KIF6: variants seen among roughly 807,000 people sequenced by gnomAD.
KIF6 encodes the protein kinesin-like protein KIF6.
A neutral mutation model predicts 112.7 loss-of-function variants in KIF6; 106 were observed. The ratio of observed to expected loss-of-function variants is 0.94; its 90% CI spans 0.80 to 1.11. KIF6 has a LOEUF of 1.11. Among genes scored for constraint, KIF6 ranks in the 50% least tolerant of loss-of-function variants. The pLI is 0.00. For synonymous variants in KIF6, 339 were observed against 339.9 expected (o/e 1.00, Z 0.03); for missense variants, 929 against 964.0 (o/e 0.96, Z 0.48).
At chr6:39,617,767 C>T (rs1215504960) in intron 5 of KIF6, 3 of 454,974 alleles carry the variant, frequency 6.6e-6, no homozygotes, top group South Asian at 4.7e-5. Flanking sequence ...GTCTAGACAC[C>T]CTGACCTAGA....
intron 16 of KIF6, among the ~76,000 whole-genome samples, chr6:39,384,215 G>A (rs572510065): frequency 1.3e-5 from 2 of 152,306 alleles, no homozygotes; most frequent in South Asian, 4.2e-4. Flanking sequence ...TGAAGAAGAG[G>A]GCAGATGTTT....
chr6:39,647,259 C>T (rs1164373998), intron 3 of KIF6, among the ~76,000 whole-genome samples: 5 of 152,062 alleles, frequency 3.3e-5, no homozygotes, highest in African/African-American at 9.7e-5. Flanking sequence ...GTGAGGAGGC[C>T]GACACTTCTG....
intron 1 of KIF6, among the ~76,000 whole-genome samples, chr6:39,723,467 A>G (rs1365656628): frequency 6.6e-6 from 1 of 152,238 alleles, no homozygotes; most frequent in Non-Finnish European, 1.5e-5. Context: ...GCTGTTCACA[A>G]TAGCAAAGAC....
intron 15 of KIF6, among the ~76,000 whole-genome samples, chr6:39,402,488 T>G (rs1768780324): frequency 6.6e-6 from 1 of 152,160 alleles, no homozygotes; most frequent in South Asian, 2.1e-4. Context: ...AAACGGTCTT[T>G]AAGTGGAACA....
At chr6:39,485,491 T>C (rs747211183) in intron 13 of KIF6, among the ~76,000 whole-genome samples, 7 of 152,146 alleles carry the variant, frequency 4.6e-5, no homozygotes, top group Non-Finnish European at 1.0e-4. Flanking sequence ...GGGGACTGCA[T>C]CTTCATCTAA....
intron 15 of KIF6, among the ~76,000 whole-genome samples, chr6:39,409,076 CATCTGT>C: frequency 6.6e-6 from 1 of 152,180 alleles, no homozygotes; most frequent in African/African-American, 2.4e-5. Context: ...TCAGTTTCTT[CATCTGT>C]AGTAGGGGTA....
At chr6:39,711,449 C>T (rs1407375569) in intron 3 of KIF6, among the ~76,000 whole-genome samples, 1 of 152,078 alleles carries the variant, frequency 6.6e-6, no homozygotes, top group Non-Finnish European at 1.5e-5. Context: ...CTGGGTATAG[C>T]AGCCTCAACC....
intron 4 of KIF6, among the ~76,000 whole-genome samples, chr6:39,635,827 T>C (rs1784597162): frequency 6.6e-6 from 1 of 152,076 alleles, no homozygotes; most frequent in Non-Finnish European, 1.5e-5. Context: ...GCACCTTCTT[T>C]TTCTTCCTCC....
In KIF6 at chr6:39,332,137, G is replaced by A. The variant is rs879144753; in HGVS notation, c.*4395C>T. On this transcript the variant is annotated 3_prime_UTR_variant, in exon 23 of 23. Transcript: ENST00000287152. Reference sequence around the variant, plus strand: ...ATTTTTTGTATTTTTAGTAGAGACGGGGTTTCCCCATGTTGAACAGGCTGT... The same window carrying A: ...ATTTTTTGTATTTTTAGTAGAGACGAGGTTTCCCCATGTTGAACAGGCTGT... The A allele has an allele frequency of 6.6e-6, 1 of 152,110 alleles. No individual in the cohort carries two copies. The highest frequency in any genetic ancestry group is 2.1e-4 in the South Asian group (1 of 4,806). 9.4% of individuals were successfully genotyped at this position (152,110 alleles called of 1,614,324 possible).
At chr6:39,681,842 T>C (rs1056157163) in intron 3 of KIF6, among the ~76,000 whole-genome samples, 23 of 152,236 alleles carry the variant, frequency 1.5e-4, no homozygotes, top group African/African-American at 4.8e-4. Context: ...TAATGGGATT[T>C]TAACTGTATT....
In KIF6 at chr6:39,583,674, C is replaced by CTTTTTTTTTTTTTTTT. The variant is rs564229262; in HGVS notation, c.1077+1208_1077+1223dup. Among the ~76,000 whole-genome samples the CTTTTTTTTTTTTTTTT allele has an allele frequency of 1.3e-4, 9 of 71,708 alleles. 1 individual carries two copies. Among genetic ancestry groups the CTTTTTTTTTTTTTTTT allele is most frequent in the South Asian group, 1.0e-3 (2 of 1,934 alleles). The allele number at this position is 71,708 out of a possible 152,430, so 47.0% of individuals were successfully genotyped here. A position where few individuals can be genotyped will look rare whatever the true frequency, so the allele number is the denominator to read the frequency against. On this transcript the variant is annotated intron_variant, in intron 9 of 22. Transcript: ENST00000287152. ...AAACACTGTTGGTAGGATTTCACTTCTTTTTTTTTTTTTTTTTTTTTTTTT... is the reference window on the plus strand; with the variant it reads ...AAACACTGTTGGTAGGATTTCACTTCTTTTTTTTTTTTTTTTTTTTTTTTTTTTTTTTTTTTTTTTT...
At chr6:39,634,812 G>A in intron 5 of KIF6, 37 bp downstream of exon 5, 1 of 1,178,616 alleles carries the variant, frequency 8.5e-7, no homozygotes, top group East Asian at 2.3e-5. Context: ...ACATCTGAAA[G>A]TAATTTCCCT....
chr6:39,508,625 A>C (rs1776582913), intron 13 of KIF6, among the ~76,000 whole-genome samples: 1 of 152,112 alleles, frequency 6.6e-6, no homozygotes, highest in South Asian at 2.1e-4. Context: ...TAGCAGTATG[A>C]GATCAACCTG....
intron 10 of KIF6, among the ~76,000 whole-genome samples, chr6:39,556,755 G>A (rs1779729674): frequency 6.6e-6 from 1 of 152,136 alleles, no homozygotes; most frequent in Non-Finnish European, 1.5e-5. Context: ...TGGGAAATTT[G>A]GGAGAATAAG....
At chr6:39,429,188 C>G (rs1770964916) in intron 14 of KIF6, among the ~76,000 whole-genome samples, 1 of 152,214 alleles carries the variant, frequency 6.6e-6, no homozygotes, top group Admixed American at 6.5e-5. Flanking sequence ...GCCTTCGACC[C>G]TCATTGCGGT....
intron 10 of KIF6, among the ~76,000 whole-genome samples, chr6:39,566,614 T>A (rs1582149970): frequency 6.6e-6 from 1 of 152,182 alleles, no homozygotes; most frequent in South Asian, 2.1e-4. Flanking sequence ...AATGACTAAT[T>A]AACAGTATGC....
intron 13 of KIF6, among the ~76,000 whole-genome samples, chr6:39,499,545 G>A (rs757475051): frequency 7.9e-5 from 12 of 152,076 alleles, no homozygotes; most frequent in East Asian, 1.9e-4. Context: ...TACCCAGTTC[G>A]TTTCCTTAAC....
chr6:39,701,880 G>A (rs537390025), intron 3 of KIF6, among the ~76,000 whole-genome samples: 1 of 152,102 alleles, frequency 6.6e-6, no homozygotes, highest in African/African-American at 2.4e-5. Flanking sequence ...TTTTGCTTTT[G>A]GACATTCAAT....
chr6:39,717,081 C>G (rs1789895087), intron 2 of KIF6, among the ~76,000 whole-genome samples: 1 of 152,196 alleles, frequency 6.6e-6, no homozygotes, highest in Non-Finnish European at 1.5e-5. Context: ...TCTTTTCCCC[C>G]TTCCAGCCTG....
Sources: gnomAD v4.1 joint callset for allele counts (sites outside exome capture counted in the v4.1 genomes callset) on GRCh38, gnomAD v4.1.1 for gene constraint, MANE v1.5 for transcripts, NCBI Gene and HGNC (gene_info 2026-07-23, HGNC 2026-07-21) for gene names.